COL3A1: variants seen among roughly 807,000 people sequenced by gnomAD.
COL3A1 encodes collagen alpha-1(III) chain.
Under a neutral mutation model 200.9 loss-of-function variants are expected in COL3A1, and 46 were observed. The observed-to-expected ratio is 0.23, with a 90% CI of 0.18 to 0.29. COL3A1 has a LOEUF of 0.29. COL3A1 is among the 10% of genes least tolerant of loss of function. The pLI is 1.00. For missense variants in COL3A1, 1,367 were observed against 1,917.6 expected, an observed-to-expected ratio of 0.71 and a Z score of 5.36; for synonymous variants, 650 against 628.0, an observed-to-expected ratio of 1.03 and a Z score of -0.52.
intron 26 of COL3A1, 24 bp from the exon 27 acceptor site, chr2:188,997,674 CAG>C (rs1277612976): frequency 6.2e-7 from 1 of 1,604,812 alleles, no homozygotes; most frequent in South Asian, 1.1e-5. Context: ...ATGTTTACAA[CAG>C]AGTGTATCAT....
intron 1 of COL3A1, among the ~76,000 whole-genome samples, chr2:188,980,455 GACAATTCTAAAAGA>G: frequency 3.2e-5 from 2 of 63,278 alleles, no homozygotes; most frequent in Non-Finnish European, 6.8e-5. Flanking sequence ...TAATCTTTTA[GACAATTCTAAAAGA>G]TTAATTGAAT....
intron 43 of COL3A1, 139 bp from the exon 44 acceptor site, chr2:189,006,798 A>G (rs1688594352): frequency 1.0e-6 from 1 of 979,084 alleles, no homozygotes; most frequent in Middle Eastern, 3.1e-4. Flanking sequence ...TTTGAAGGCA[A>G]AAACAATATT....
chr2:189,011,010 T>C, intron 50 of COL3A1, 120 bp downstream of exon 50: 3 of 1,313,430 alleles, frequency 2.3e-6, no homozygotes, highest in Non-Finnish European at 2.2e-6. Flanking sequence ...GCATTTGGTA[T>C]GAATTACATA....
chr2:189,010,155 C>T (rs773008087), intron 48 of COL3A1, 23 bp from the exon 49 acceptor site: 3 of 1,612,388 alleles, frequency 1.9e-6, no homozygotes, highest in Non-Finnish European at 2.5e-6. Flanking sequence ...AACCAATTCC[C>T]ATTCTTTTTT....
rs56107615 is a variant in COL3A1 at position 188,989,153 on chromosome 2, G to A, written c.637-243G>A. Among the ~76,000 whole-genome samples, 1,567 of 128,044 alleles carry A rather than the reference G, an allele frequency of 0.012. 146 individuals are homozygous for A. The highest frequency in any genetic ancestry group is 0.064 in the African/African-American group (1,476 of 23,030). The allele number at this position is 128,044 out of a possible 152,430, so 84.0% of individuals were successfully genotyped here. A position where few individuals can be genotyped will look rare whatever the true frequency, so the allele number is the denominator to read the frequency against. On this transcript the variant is annotated intron_variant, in intron 7 of 50. Transcript: ENST00000304636. ...TTAGATATATTTAATATTCCTAAAC[G>A]TGTAGAAATGCATTTGGATTTATAA...
intron 4 of COL3A1, 64 bp downstream of exon 4, chr2:188,985,842 A>C: frequency 1.9e-6 from 2 of 1,034,926 alleles, no homozygotes; most frequent in Non-Finnish European, 3.0e-6. Flanking sequence ...TTCTTTCTTT[A>C]CTCGATATTA....
intron 21 of COL3A1, 21 bp from the exon 22 acceptor site, chr2:188,995,671 A>G: frequency 2.0e-6 from 3 of 1,528,328 alleles, no homozygotes; most frequent in Non-Finnish European, 1.8e-6. Flanking sequence ...TAATTTTTTT[A>G]AAATTTCTTT....
chr2:189,008,552 G>A (rs1196584731), intron 47 of COL3A1: 1 of 388,862 alleles, frequency 2.6e-6, no homozygotes, highest in East Asian at 5.9e-5. Context: ...TCTATTCCAT[G>A]CCTTTGGGTA....
chr2:188,984,621 T>A, intron 1 of COL3A1, 139 bp from the exon 2 acceptor site: 1 of 746,700 alleles, frequency 1.3e-6, no homozygotes, highest in Non-Finnish European at 2.3e-6. Context: ...AGGGCAAGTA[T>A]AATTTTCTAA....
At chr2:189,000,044 A>G (rs1688422483) in intron 32 of COL3A1, 149 bp downstream of exon 32, 1 of 807,126 alleles carries the variant, frequency 1.2e-6, no homozygotes, top group Non-Finnish European at 2.1e-6. Flanking sequence ...TTATAATGAA[A>G]TTTGTGGTCT....
At position 189,011,971 on chromosome 2, in the gene COL3A1, T is replaced by A; in HGVS notation, c.*197T>A. 2 of 625,608 alleles carry A rather than the reference T, an allele frequency of 3.2e-6. No individual in the cohort carries two copies. The highest frequency in any genetic ancestry group is 5.5e-6 in the Non-Finnish European group (2 of 364,728). The allele number at this position is 625,608 out of a possible 1,614,324, so 38.8% of individuals were successfully genotyped here. ...GTTCCACCAAATACAATTCAAATGC[T>A]TTTTGTTTTATTTTTTTACCAATTC... On this transcript the variant is annotated 3_prime_UTR_variant, in exon 51 of 51. Transcript: ENST00000304636.
rs1010902262 is a variant in COL3A1, at chr2:188,998,962, C to T, written c.2022+244C>T. Among the ~76,000 whole-genome samples the T allele has an allele frequency of 3.3e-5, 5 of 152,086 alleles. No individual in the cohort carries two copies. The South Asian group carries it at 6.2e-4, about 19-fold the overall frequency. ...TCAAATACGGGCTTAAAATTTCAAA[C>T]GGAAAAATATTGCCAATATGTTGAT... On this transcript the variant is annotated intron_variant, in intron 29 of 50. Coordinates refer to ENST00000304636, the MANE Select transcript of COL3A1 (RefSeq NM_000090.4).
chr2:189,007,916 G>A lies in COL3A1; in HGVS notation c.3395G>A (p.Ser1132Asn). 1.2e-6 allele frequency: 2 copies of A among 1,614,144 alleles called. No homozygotes were observed. The highest frequency in any genetic ancestry group is 1.7e-4 in the Middle Eastern group (1 of 6,044). The change falls in exon 46 of 51, where the codon AGT becomes AAT. Residue 1132 changes from serine to asparagine, a missense_variant. Transcript: ENST00000304636. ...GCTGGTCAGCAGGGTGCAATCGGCA[G>A]TCCAGGACCTGCAGGCCCCAGAGTA... ...GPAGQQGAIG[S>N]PGPAGPRGPV...
intron 26 of COL3A1, 77 bp from the exon 27 acceptor site, chr2:188,997,623 C>T: frequency 7.0e-7 from 1 of 1,433,622 alleles, no homozygotes; most frequent in Non-Finnish European, 9.8e-7. Context: ...AATTAAGCAA[C>T]AGGCCTGTTG....
chr2:189,007,841 C>T (rs1259822944), intron 45 of COL3A1, 44 bp from the exon 46 acceptor site: 2 of 1,606,654 alleles, frequency 1.2e-6, no homozygotes, highest in Non-Finnish European at 1.7e-6. Context: ...TTTCCCAGTG[C>T]TTTTTAAGGC....
chr2:188,985,237 A>T lies in COL3A1; in HGVS notation c.323A>T (p.Lys108Met), dbSNP rs1408396889. ...AATGGTCAAGGACCTCAAGGCCCCA[A>T]GGGAGATCCAGTAAGTAAACATTCT... is the stretch of plus-strand genomic sequence containing the variant. ...PPNGQGPQGP[K>M]GDPGPPGIPG... is the part of the protein sequence containing the mutation. Residue 108 changes from lysine to methionine, a missense_variant, in exon 3 of 51, where the codon AAG (lysine) becomes ATG (methionine). Transcript: ENST00000304636. The T allele has an allele frequency of 6.2e-7, 1 of 1,610,504 alleles. No homozygotes were observed. The highest frequency in any genetic ancestry group is 8.5e-7 in the Non-Finnish European group (1 of 1,177,120).
intron 2 of COL3A1, 55 bp downstream of exon 2, chr2:188,985,017 A>G: frequency 6.5e-7 from 1 of 1,536,026 alleles, no homozygotes; most frequent in Admixed American, 1.7e-5. Context: ...ACACATGAAT[A>G]GCTCCTATAT....
intron 1 of COL3A1, among the ~76,000 whole-genome samples, chr2:188,981,060 C>T (rs1172961232): frequency 6.6e-6 from 1 of 151,092 alleles, no homozygotes; most frequent in Non-Finnish European, 1.5e-5. Flanking sequence ...ATTATTGCTC[C>T]AAAAATAGTA....
Position 189,011,727 on chromosome 2 carries a change from C to A in COL3A1, c.4354C>A (p.Pro1452Thr), listed in dbSNP as rs1032448428. 6.2e-7 allele frequency: 1 copy of A among 1,613,892 alleles called. No homozygotes were observed. The highest frequency in any genetic ancestry group is 8.5e-7 in the Non-Finnish European group (1 of 1,179,900). The change falls in exon 51 of 51, where the codon CCT becomes ACT. Residue 1452 changes from proline to threonine, a missense_variant. Pro to Thr is a conservative substitution (Grantham distance 38). Around this residue, in one of 5 missense-constraint regions of COL3A1, gnomAD observed 846 missense variants for 1,147.9 expected, o/e 0.74. Coordinates refer to ENST00000304636, the MANE Select transcript of COL3A1 (RefSeq NM_000090.4). ...TATTGCACCCTATGACATTGGTGGT[C>A]CTGATCAAGAATTTGGTGTGGACGT... The part of the protein sequence containing the change: ...VDIAPYDIGG[P>T]DQEFGVDVGP...
Sources: gnomAD v4.1 joint callset for allele counts (sites outside exome capture counted in the v4.1 genomes callset) on GRCh38, gnomAD v4.1.1 for gene constraint, gnomAD v4.1.1 regional missense constraint, MANE v1.5 for transcripts, NCBI Gene and HGNC (gene_info 2026-07-23, HGNC 2026-07-21) for gene names.